Variants in RGS6 observed in about 807,000 individuals in gnomAD.
RGS6 encodes the protein regulator of G-protein signaling 6.
Under a neutral mutation model 78.5 loss-of-function variants are expected in RGS6, and 30 were observed. The observed-to-expected ratio is 0.38, with a 90% CI of 0.29 to 0.52. RGS6 has a LOEUF of 0.52. Ranked by LOEUF, RGS6 falls within the 20% of genes least tolerant of loss-of-function variation. The pLI is 0.85. For missense variants in RGS6, 495 were observed against 609.7 expected, an observed-to-expected ratio of 0.81 and a Z score of 1.98; for synonymous variants, 206 against 206.0, an observed-to-expected ratio of 1.00 and a Z score of 0.00.
At chr14:72,264,890 A>G (rs987343092) in intron 2 of RGS6, among the ~76,000 whole-genome samples, 2 of 152,072 alleles carry the variant, frequency 1.3e-5, no homozygotes, top group Non-Finnish European at 2.9e-5. Flanking sequence ...ATTTCAACAT[A>G]CCATGCTTTC....
At chr14:72,328,239 T>C (rs2074235204) in intron 2 of RGS6, among the ~76,000 whole-genome samples, 1 of 152,174 alleles carries the variant, frequency 6.6e-6, no homozygotes, top group Admixed American at 6.5e-5. Context: ...CTGTTCTCTT[T>C]CAGAAACACA....
chr14:72,422,035 T>C (rs539225544), intron 3 of RGS6, among the ~76,000 whole-genome samples: 1 of 152,332 alleles, frequency 6.6e-6, no homozygotes, highest in South Asian at 2.1e-4. Flanking sequence ...CATGCTGTTC[T>C]TGTGATACAG....
At chr14:72,488,539 G>A (rs1566965781) in intron 12 of RGS6, among the ~76,000 whole-genome samples, 1 of 152,178 alleles carries the variant, frequency 6.6e-6, no homozygotes, top group Non-Finnish European at 1.5e-5. Flanking sequence ...CTGGCTATGA[G>A]CCTGTATTTC....
At chr14:72,062,654 A>G (rs1033925798) in intron 2 of RGS6, among the ~76,000 whole-genome samples, 3 of 152,170 alleles carry the variant, frequency 2.0e-5, no homozygotes, top group African/African-American at 7.2e-5. Context: ...TGATGATGCT[A>G]TTTTCTCAGA....
chr14:72,069,700 C>A (rs1232708568), intron 2 of RGS6, among the ~76,000 whole-genome samples: 1 of 151,788 alleles, frequency 6.6e-6, no homozygotes, highest in Non-Finnish European at 1.5e-5. Flanking sequence ...CCACCATGCC[C>A]AGCTAATTTT....
intron 2 of RGS6, among the ~76,000 whole-genome samples, chr14:72,252,223 G>C (rs1029273444): frequency 6.8e-6 from 1 of 148,048 alleles, no homozygotes; most frequent in Non-Finnish European, 1.5e-5. Flanking sequence ...GCCATTCTTT[G>C]TCAAATGTAT....
intron 9 of RGS6, chr14:72,474,176 T>A (rs2096169975): frequency 6.5e-6 from 1 of 153,038 alleles, no homozygotes; most frequent in South Asian, 2.1e-4. Context: ...ACTGTATTTC[T>A]GATTTCACGT....
At chr14:72,089,529 T>A (rs1019135732) in intron 2 of RGS6, among the ~76,000 whole-genome samples, 2 of 152,258 alleles carry the variant, frequency 1.3e-5, no homozygotes, top group Non-Finnish European at 2.9e-5. Context: ...ATACGAAGAT[T>A]ATCTGCTCTA....
At chr14:72,123,800 G>A (rs2096119616) in intron 2 of RGS6, among the ~76,000 whole-genome samples, 1 of 152,014 alleles carries the variant, frequency 6.6e-6, no homozygotes, top group South Asian at 2.1e-4. Context: ...TAATAAATAA[G>A]TATTTCTCCA....
At chr14:72,596,047 T>C in the RGS6 span, among the ~76,000 whole-genome samples, 48 of 152,370 alleles carry the variant, frequency 3.2e-4, 1 homozygote, top group Non-Finnish European at 2.2e-4. Flanking sequence ...TTGCTTAGAA[T>C]AACCCTGTAG....
At chr14:72,483,591 CTAAT>C (rs2153378593) in intron 12 of RGS6, among the ~76,000 whole-genome samples, 1 of 152,130 alleles carries the variant, frequency 6.6e-6, no homozygotes, top group Non-Finnish European at 1.5e-5. Context: ...AACTTAATGT[CTAAT>C]TATAGTTTCA....
At chr14:71,951,042 C>A (rs963600780) in intron 1 of RGS6, among the ~76,000 whole-genome samples, 2 of 152,236 alleles carry the variant, frequency 1.3e-5, no homozygotes, top group African/African-American at 2.4e-5. Context: ...TTTGACCCAG[C>A]AATCCCATTA....
At chr14:72,283,228 A>G (rs946844527) in intron 2 of RGS6, among the ~76,000 whole-genome samples, 2 of 152,230 alleles carry the variant, frequency 1.3e-5, no homozygotes, top group South Asian at 2.1e-4. Flanking sequence ...GAATGCTGCA[A>G]TGAACTTGGG....
chr14:72,161,922 G>A (rs1041318817), intron 2 of RGS6, among the ~76,000 whole-genome samples: 1 of 152,224 alleles, frequency 6.6e-6, no homozygotes, highest in African/African-American at 2.4e-5. Flanking sequence ...ACGGGAAGAG[G>A]AGTCTATCCA....
At chr14:72,302,199 A>G (rs1005981359) in intron 2 of RGS6, among the ~76,000 whole-genome samples, 3 of 152,224 alleles carry the variant, frequency 2.0e-5, no homozygotes, top group Non-Finnish European at 4.4e-5. Context: ...AGCTGCTGCC[A>G]TTTATTGAGT....
intron 2 of RGS6, among the ~76,000 whole-genome samples, chr14:72,111,089 C>T (rs1422520197): frequency 6.6e-6 from 1 of 152,148 alleles, no homozygotes; most frequent in Admixed American, 6.6e-5. Context: ...TTTTCCTGAC[C>T]ACCTTGGCTG....
At chr14:72,078,959 C>T (rs951502941) in intron 2 of RGS6, among the ~76,000 whole-genome samples, 2 of 152,138 alleles carry the variant, frequency 1.3e-5, no homozygotes, top group Admixed American at 1.3e-4. Flanking sequence ...TCTCTTTTAA[C>T]CCTATTAATT....
At chr14:72,182,243 A>G (rs1351320797) in intron 2 of RGS6, among the ~76,000 whole-genome samples, 1 of 152,024 alleles carries the variant, frequency 6.6e-6, no homozygotes, top group Admixed American at 6.5e-5. Flanking sequence ...CCCCATCTCT[A>G]CTAAAAATAC....
chr14:72,453,685 G>A (rs2095556080), intron 3 of RGS6, among the ~76,000 whole-genome samples: 2 of 140,426 alleles, frequency 1.4e-5, no homozygotes, highest in Admixed American at 7.3e-5. Context: ...GGTAATACTA[G>A]ATACCAAAAC....
Sources: allele counts gnomAD v4.1 joint callset (sites outside exome capture counted in the v4.1 genomes callset), GRCh38; gene constraint gnomAD v4.1.1; transcripts MANE v1.5; gene names NCBI Gene and HGNC (gene_info 2026-07-23, HGNC 2026-07-21).